The following NUP93 variants were observed in gnomAD, a reference collection of about 807,000 sequenced individuals.
NUP93 encodes nuclear pore complex protein Nup93.
A neutral mutation model predicts 107.8 loss-of-function variants in NUP93; 55 were observed. That is an observed-to-expected ratio of 0.51 (90% CI 0.41 to 0.64). The LOEUF is 0.64. NUP93 is among the 30% of genes least tolerant of loss of function. NUP93 has a pLI of 0.00. For missense variants in NUP93, 937 were observed against 1,044.7 expected (o/e 0.90, Z 1.42); for synonymous variants, 390 against 397.5 (o/e 0.98, Z 0.22).
intron 3 of NUP93, among the ~76,000 whole-genome samples, chr16:56,780,861 T>C (rs1962501344): frequency 6.6e-6 from 1 of 152,210 alleles, no homozygotes; most frequent in Non-Finnish European, 1.5e-5. Context: ...TTTTGCAGTC[T>C]GCACCATGAT....
rs1249625730 is a variant in NUP93 at position 56,808,128 on chromosome 16, A to AT, written c.489+2497dup. 3.2e-3 allele frequency among the ~76,000 whole-genome samples: 378 copies of AT among 119,818 alleles called. 11 individuals carry two copies. Among genetic ancestry groups the AT allele is most frequent in the Non-Finnish European group, 5.0e-3 (284 of 57,050 alleles). The allele number at this position is 119,818 out of a possible 152,430, so 78.6% of individuals were successfully genotyped here. The stretch of plus-strand genomic sequence containing the variant: ...ATATAAATATATATTATATAACTAT[A>AT]TAAATATATTTATATAACTATATAT... On this transcript the variant is annotated intron_variant, in intron 5 of 21. Coordinates refer to ENST00000308159, the MANE Select transcript of NUP93 (RefSeq NM_014669.5).
rs1208552333 is a variant in NUP93 at position 56,834,191 on chromosome 16, T to C, written c.1601T>C (p.Leu534Pro). Residue 534 changes from leucine (L) to proline (P), a missense_variant, in exon 14 of 22, where the codon CTG (leucine) becomes CCG (proline). Transcript: ENST00000308159. ...CTGAACTTCGTGCGGCTCCTCATGCTGTACACCCGGAAGTTTGAGTCCACG... is the reference window on the plus strand; with the variant it reads ...CTGAACTTCGTGCGGCTCCTCATGCCGTACACCCGGAAGTTTGAGTCCACG... ...RRLNFVRLLM[L>P]YTRKFESTDP... 1.2e-6 allele frequency: 2 copies of C among 1,614,080 alleles called. No individual in the cohort carries two copies. Among genetic ancestry groups the C allele is most frequent in the African/African-American group, 1.3e-5 (1 of 74,926 alleles).
Position 56,837,648 on chromosome 16 carries a change from G to T in NUP93, c.1940G>T (p.Ser647Ile). 6.2e-7 allele frequency: 1 copy of T among 1,614,156 alleles called. No individual in the cohort carries two copies. Residue 647 changes from serine to isoleucine, a missense_variant, in exon 18 of 22, where the codon AGC becomes ATC. Transcript: ENST00000308159. ...KVLELMNKLLSPVVPQISAPQ... is the reference protein window; with the variant it reads ...KVLELMNKLLIPVVPQISAPQ... ...CTGGAGCTGATGAACAAACTGCTGA[G>T]CCCTGTCGTCCCCCAGATCAGTGCC...
chr16:56,837,201 CT>C lies in NUP93; in HGVS notation c.1900-406del, dbSNP rs534943779. On this transcript the variant is annotated intron_variant, in intron 17 of 21. Coordinates refer to ENST00000308159, the MANE Select transcript of NUP93 (RefSeq NM_014669.5). ...AATGATGACTAAGAACATATGATAA[CT>C]GCTAAGGATTCTATGACCTAAACAA... Among the ~76,000 whole-genome samples the C allele has an allele frequency of 2.6e-3, 402 of 152,284 alleles. 3 individuals are homozygous for C. The highest frequency in any genetic ancestry group is 9.3e-3 in the African/African-American group (385 of 41,560).
intron 4 of NUP93, among the ~76,000 whole-genome samples, chr16:56,803,795 A>T (rs1312669406): frequency 1.3e-5 from 2 of 151,974 alleles, no homozygotes; most frequent in Non-Finnish European, 2.9e-5. Context: ...TTTCTGTGAC[A>T]GTCTTGCTCT....
intron 18 of NUP93, 124 bp downstream of exon 18, chr16:56,837,850 T>C (rs1963945218): frequency 3.0e-6 from 2 of 668,398 alleles, no homozygotes; most frequent in Non-Finnish European, 5.2e-6. Context: ...AAAGTGGTTC[T>C]ACTAACTCAC....
chr16:56,741,951 A>G (rs1002303433), intron 1 of NUP93: 1 of 152,238 alleles, frequency 6.6e-6, no homozygotes, highest in South Asian at 2.1e-4. Context: ...TTTCTTTAAC[A>G]TGGAAGAAAA....
chr16:56,836,790 T>C, intron 17 of NUP93, 73 bp downstream of exon 17: 2 of 928,386 alleles, frequency 2.2e-6, no homozygotes, highest in East Asian at 2.4e-5. Flanking sequence ...GTGCAGCCAC[T>C]TGGACAGTGT....
Position 56,844,866 on chromosome 16 carries a change from A to G in NUP93, c.*257A>G. 1 of 401,042 alleles carries G rather than the reference A, an allele frequency of 2.5e-6. No individual in the cohort carries two copies. The highest frequency in any genetic ancestry group is 3.6e-5 in the East Asian group (1 of 28,042). The allele number at this position is 401,042 out of a possible 1,614,324, so 24.8% of individuals were successfully genotyped here. On this transcript the variant is annotated 3_prime_UTR_variant, in exon 22 of 22. Transcript: ENST00000308159. ...AAATACCGTCACTAGCTCTTGGGCC[A>G]GGGAATGAGAGGCTATGTAGATATT...
chr16:56,842,182 C>T (rs1454850180), intron 21 of NUP93, among the ~76,000 whole-genome samples: 1 of 152,206 alleles, frequency 6.6e-6, no homozygotes, highest in Non-Finnish European at 1.5e-5. Context: ...TTTATTAAAA[C>T]CATACTTTAT....
intron 17 of NUP93, 58 bp downstream of exon 17, chr16:56,836,775 T>A: frequency 9.0e-7 from 1 of 1,114,580 alleles, no homozygotes; most frequent in Non-Finnish European, 1.4e-6. Flanking sequence ...CTTTTGGCAT[T>A]AAATGTGCAG....
At position 56,759,721 on chromosome 16, in the gene NUP93, G is replaced by A. The variant is rs189186085; in HGVS notation, c.297+1066G>A. On this transcript the variant is annotated intron_variant, in intron 3 of 21. Transcript: ENST00000308159. ...TTTTAAGTTTTAGCCCCCCTCCCCCGTACAACTGCTTGAGGCTCTCTGTTA... is the reference window on the plus strand; with the variant it reads ...TTTTAAGTTTTAGCCCCCCTCCCCCATACAACTGCTTGAGGCTCTCTGTTA... 1.0e-3 allele frequency among the ~76,000 whole-genome samples: 150 copies of A among 150,516 alleles called. 1 individual carries two copies. Among genetic ancestry groups the A allele is most frequent in the Non-Finnish European group, 1.6e-3 (106 of 67,764 alleles).
At chr16:56,830,475 A>C in intron 9 of NUP93, 53 bp from the exon 10 acceptor site, 4 of 1,493,730 alleles carry the variant, frequency 2.7e-6, no homozygotes, top group Non-Finnish European at 3.6e-6. Flanking sequence ...GCACATATGA[A>C]AGCAGTCAGC....
chr16:56,805,453 T>G (rs1357675675), intron 4 of NUP93, 51 bp from the exon 5 acceptor site: 2 of 1,595,994 alleles, frequency 1.3e-6, no homozygotes, highest in Non-Finnish European at 1.7e-6. Flanking sequence ...TTAAACCATG[T>G]TTTTTTTGTT....
intron 1 of NUP93, among the ~76,000 whole-genome samples, chr16:56,730,793 G>A (rs1241612879): frequency 3.9e-5 from 6 of 152,198 alleles, no homozygotes; most frequent in South Asian, 2.1e-4. Flanking sequence ...CAGAGGCGAT[G>A]CCCAAGTTCA....
At chr16:56,834,679 G>A in intron 15 of NUP93, 55 bp from the exon 16 acceptor site, 7 of 1,491,776 alleles carry the variant, frequency 4.7e-6, no homozygotes, top group Non-Finnish European at 6.5e-6. Context: ...GAAGACTTAT[G>A]GAATATGTTT....
chr16:56,810,637 TCTGTCTCAAAAAATTAAAAAA>T (rs1395871557), intron 5 of NUP93, among the ~76,000 whole-genome samples: 22 of 152,228 alleles, frequency 1.4e-4, no homozygotes, highest in African/African-American at 5.3e-4. Context: ...ACAGTGAGAC[TCTGTCTCAAAAAATTAAAAAA>T]TTTTTAAAAA....
chr16:56,819,348 G>A (rs1241774179), intron 6 of NUP93, among the ~76,000 whole-genome samples: 1 of 152,212 alleles, frequency 6.6e-6, no homozygotes, highest in Non-Finnish European at 1.5e-5. Flanking sequence ...TTTAAATAAA[G>A]CAGTGCCAGC....
chr16:56,801,246 C>T (rs1413019036), intron 4 of NUP93, among the ~76,000 whole-genome samples: 1 of 152,108 alleles, frequency 6.6e-6, no homozygotes, highest in Non-Finnish European at 1.5e-5. Context: ...CTTCTTTGCA[C>T]TTTAGTTCAA....
Sources: allele counts gnomAD v4.1 joint callset (sites outside exome capture counted in the v4.1 genomes callset), GRCh38; gene constraint gnomAD v4.1.1; transcripts MANE v1.5; gene names NCBI Gene and HGNC (gene_info 2026-07-23, HGNC 2026-07-21).